PJA2: variants seen among roughly 807,000 people sequenced by gnomAD.
PJA2 encodes the protein E3 ubiquitin-protein ligase Praja-2.
PJA2 carries 25 observed loss-of-function variants against 69.3 expected under a neutral mutation model. The observed-to-expected ratio is 0.36, with a 90% confidence interval of 0.26 to 0.50. PJA2 has a LOEUF of 0.50. Ranked by LOEUF, PJA2 falls within the 20% of genes least tolerant of loss-of-function variation. The pLI is 0.96. For missense variants in PJA2, 809 were observed against 830.2 expected (o/e 0.97, Z 0.31); for synonymous variants, 308 against 277.8 (o/e 1.11, Z -1.08).
chr5:109,404,455 T>C (rs576818468), intron 1 of PJA2, among the ~76,000 whole-genome samples: 4 of 151,958 alleles, frequency 2.6e-5, no homozygotes, highest in East Asian at 2.0e-4. Context: ...GAGACCGAGG[T>C]TGCAGCGAGC....
At chr5:109,387,428 C>T (rs1458817849) in intron 1 of PJA2, among the ~76,000 whole-genome samples, 1 of 152,130 alleles carries the variant, frequency 6.6e-6, no homozygotes, top group African/African-American at 2.4e-5. Context: ...AAATTTGTAG[C>T]TAAGGTAAAT....
rs1324576513 is a variant in PJA2 at position 109,402,880 on chromosome 5, T to TA, written c.-88+6961dup. On this transcript the variant is annotated intron_variant, in intron 1 of 9. Transcript: ENST00000361189. ...CAAAGTGGAAGTGACATAAGAACTT[T>TA]AAAAAAAATCAGTGCATCAAATTTG... is the stretch of plus-strand genomic sequence containing the variant. 2.6e-5 allele frequency among the ~76,000 whole-genome samples: 4 copies of TA among 151,866 alleles called. No homozygotes were observed. The East Asian group carries it at 5.8e-4, about 22-fold the overall frequency.
chr5:109,350,492 T>C (rs1391452509), intron 7 of PJA2, among the ~76,000 whole-genome samples: 3 of 152,192 alleles, frequency 2.0e-5, no homozygotes, highest in Admixed American at 1.3e-4. Flanking sequence ...GTAATACCGA[T>C]TCTGAATGAT....
At chr5:109,339,902 A>G (rs986760846) in intron 9 of PJA2, among the ~76,000 whole-genome samples, 2 of 152,238 alleles carry the variant, frequency 1.3e-5, no homozygotes, top group African/African-American at 4.8e-5. Flanking sequence ...AAGAAAAATC[A>G]CCTAAAATAT....
intron 6 of PJA2, among the ~76,000 whole-genome samples, chr5:109,360,051 G>C (rs1475177614): frequency 2.0e-5 from 3 of 152,172 alleles, no homozygotes; most frequent in South Asian, 2.1e-4. Context: ...GGAAATCTTA[G>C]TGAAGGATAC....
chr5:109,354,365 AGAGATATCTATAGAT>A (rs1762363021), intron 7 of PJA2, among the ~76,000 whole-genome samples: 1 of 135,994 alleles, frequency 7.4e-6, no homozygotes, highest in African/African-American at 2.9e-5. Flanking sequence ...ATCTATATCT[AGAGATATCTATAGAT>A]TAGATATCTC....
At chr5:109,344,150 A>G (rs1487761322) in intron 9 of PJA2, 40 bp downstream of exon 9, 1 of 1,313,998 alleles carries the variant, frequency 7.6e-7, no homozygotes, top group South Asian at 1.4e-5. Context: ...AGAAGACACT[A>G]TTAAAGTATT....
At chr5:109,382,622 C>T (rs929590824) in intron 2 of PJA2, among the ~76,000 whole-genome samples, 1 of 152,044 alleles carries the variant, frequency 6.6e-6, no homozygotes, top group African/African-American at 2.4e-5. Flanking sequence ...ATGAGGCAGT[C>T]GGATCACTTG....
In PJA2 at chr5:109,378,177, C is replaced by T. The variant is rs746180173; in HGVS notation, c.1283+27G>A. ...GAAACCACTTCATTTACTACACAAT[C>T]GGAAAAAGTACTGGATGTGACCTTA... On this transcript the variant is annotated intron_variant, in intron 4 of 9. Coordinates refer to ENST00000361189, the MANE Select transcript of PJA2 (RefSeq NM_014819.5). The T allele has an allele frequency of 4.3e-5, 66 of 1,527,198 alleles. No homozygotes were observed. The East Asian group carries it at 1.2e-3, about 28-fold the overall frequency. The allele number at this position is 1,527,198 out of a possible 1,614,324, so 94.6% of individuals were successfully genotyped here.
chr5:109,353,122 T>A (rs1436288038), intron 7 of PJA2, among the ~76,000 whole-genome samples: 1 of 144,686 alleles, frequency 6.9e-6, no homozygotes, highest in Non-Finnish European at 1.5e-5. Context: ...TCTATAGACA[T>A]CTATATATTA....
intron 1 of PJA2, among the ~76,000 whole-genome samples, chr5:109,383,823 A>G (rs1459468619): frequency 6.6e-6 from 1 of 152,110 alleles, no homozygotes; most frequent in Admixed American, 6.5e-5. Context: ...GTCCCTCAGG[A>G]GGCTGTGGTG....
chr5:109,341,449 G>A (rs1303280850), intron 9 of PJA2, among the ~76,000 whole-genome samples: 4 of 132,044 alleles, frequency 3.0e-5, no homozygotes, highest in Non-Finnish European at 4.9e-5. Flanking sequence ...CCCGGCAGCT[G>A]CCCCGTCTGA....
chr5:109,352,590 T>C (rs1762271690), intron 7 of PJA2, among the ~76,000 whole-genome samples: 1 of 152,148 alleles, frequency 6.6e-6, no homozygotes. Context: ...TTCTGACTTT[T>C]TTCCTAGTAT....
chr5:109,380,882 A>G (rs1023130903), intron 3 of PJA2, among the ~76,000 whole-genome samples: 2 of 151,844 alleles, frequency 1.3e-5, no homozygotes, highest in African/African-American at 4.8e-5. Context: ...GCCAGCCAAG[A>G]CAGGTGGATC....
At chr5:109,377,376 A>AT (rs1346649972) in intron 4 of PJA2, among the ~76,000 whole-genome samples, 30 of 152,172 alleles carry the variant, frequency 2.0e-4, no homozygotes, top group African/African-American at 7.2e-4. Context: ...ACAAGGACTC[A>AT]TGAAAATCTG....
Position 109,378,856 on chromosome 5 carries a change from C to T in PJA2, c.631G>A (p.Ala211Thr), listed in dbSNP as rs199625658. The T allele has an allele frequency of 9.0e-5, 146 of 1,613,920 alleles. 2 individuals carry two copies. In the East Asian group the frequency reaches 2.7e-3, roughly 30 times the overall value. The change falls in exon 4 of 10, where the codon GCA becomes ACA. Residue 211 changes from alanine to threonine, a missense_variant. Physicochemically the swap from Ala to Thr is moderately conservative, Grantham distance 58. Coordinates refer to ENST00000361189, the MANE Select transcript of PJA2 (RefSeq NM_014819.5). ...VFELENREAEAYTGLSPPVPS... is the reference protein window; with the variant it reads ...VFELENREAETYTGLSPPVPS... Reference sequence around the variant, plus strand: ...ACTGGTGGTGAAAGACCAGTGTATGCCTCTGCCTCTCTGTTTTCCAACTCA... The same window carrying T: ...ACTGGTGGTGAAAGACCAGTGTATGTCTCTGCCTCTCTGTTTTCCAACTCA...
At chr5:109,349,233 C>T (rs1219755818) in intron 7 of PJA2, among the ~76,000 whole-genome samples, 2 of 152,182 alleles carry the variant, frequency 1.3e-5, no homozygotes, top group East Asian at 1.9e-4. Flanking sequence ...AATTATTGCT[C>T]CACAAATCCA....
chr5:109,342,891 A>G (rs1174192559), intron 9 of PJA2, among the ~76,000 whole-genome samples: 2 of 48,826 alleles, frequency 4.1e-5, no homozygotes, highest in Admixed American at 1.7e-4. Context: ...GGGGGGGGTC[A>G]GCCCCCCTGC....
chr5:109,391,573 C>T (rs968867775), intron 1 of PJA2, among the ~76,000 whole-genome samples: 1 of 151,524 alleles, frequency 6.6e-6, no homozygotes, highest in African/African-American at 2.4e-5. Context: ...TCCATGTCAT[C>T]TGAGCTGAAT....
Sources: allele counts gnomAD v4.1 joint callset (sites outside exome capture counted in the v4.1 genomes callset), GRCh38; gene constraint gnomAD v4.1.1; transcripts MANE v1.5; gene names NCBI Gene and HGNC (gene_info 2026-07-23, HGNC 2026-07-21).